The following PARD3B variants were observed in gnomAD, a reference collection of about 807,000 sequenced individuals.
PARD3B encodes the protein partitioning defective 3 homolog B.
PARD3B carries 103 observed loss-of-function variants against 130.2 expected under a neutral mutation model. The ratio of observed to expected loss-of-function variants is 0.79; its 90% CI spans 0.67 to 0.93. The LOEUF (loss-of-function observed/expected upper bound fraction) is 0.93. Among genes scored for constraint, PARD3B ranks in the 40% least tolerant of loss-of-function variants. PARD3B has a pLI of 0.00. For missense variants in PARD3B, 1,609 were observed against 1,499.2 expected, an observed-to-expected ratio of 1.07 and a Z score of -1.21; for synonymous variants, 583 against 553.2, an observed-to-expected ratio of 1.05 and a Z score of -0.76.
At chr2:204,590,184 ATC>A (rs2125092721) in intron 1 of PARD3B, among the ~76,000 whole-genome samples, 1 of 152,294 alleles carries the variant, frequency 6.6e-6, no homozygotes, top group African/African-American at 2.4e-5. Flanking sequence ...GATAGCCATC[ATC>A]TCTCTGTCCT....
chr2:205,217,927 G>A (rs566726227), intron 15 of PARD3B, among the ~76,000 whole-genome samples: 42 of 111,856 alleles, frequency 3.8e-4, no homozygotes, highest in Middle Eastern at 8.8e-3. Flanking sequence ...ATGGTCTCTC[G>A]CTCTGTCACC....
chr2:204,937,315 C>G (rs1862995), intron 2 of PARD3B, among the ~76,000 whole-genome samples: 4,692 of 152,294 alleles, frequency 0.031, 97 homozygotes, highest in African/African-American at 0.053. Flanking sequence ...ACTGTTGCCC[C>G]TCTGACACCC....
chr2:204,649,618 A>C (rs1366113661), intron 1 of PARD3B, among the ~76,000 whole-genome samples: 2 of 152,152 alleles, frequency 1.3e-5, no homozygotes, highest in East Asian at 3.8e-4. Flanking sequence ...CTGCACACCT[A>C]CAATTATGTG....
intron 21 of PARD3B, among the ~76,000 whole-genome samples, chr2:205,527,080 G>T (rs2051371036): frequency 6.6e-6 from 1 of 152,196 alleles, no homozygotes; most frequent in African/African-American, 2.4e-5. Context: ...ATCAGACACA[G>T]CAAGTGTAAC....
In PARD3B at chr2:205,474,305, T is replaced by C. The variant is rs1416864484; in HGVS notation, c.3045-25591T>C. ...CGATTTAATTGGCTATTATTAACTT[T>C]TTAGAGTATTTTCATCCAGTGTTTC... On this transcript the variant is annotated intron_variant, in intron 20 of 22. Transcript: ENST00000406610. Among the ~76,000 whole-genome samples the C allele has an allele frequency of 2.0e-5, 3 of 152,152 alleles. No homozygotes were observed. In the South Asian group the frequency reaches 6.2e-4, roughly 31 times the overall value.
intron 2 of PARD3B, among the ~76,000 whole-genome samples, chr2:204,725,291 GAT>G (rs2039173772): frequency 6.6e-6 from 1 of 152,178 alleles, no homozygotes; most frequent in Non-Finnish European, 1.5e-5. Flanking sequence ...CATGGAAAGA[GAT>G]GTGATCTTTT....
intron 2 of PARD3B, among the ~76,000 whole-genome samples, chr2:204,718,732 G>C (rs1426861983): frequency 6.6e-6 from 1 of 152,206 alleles, no homozygotes; most frequent in Non-Finnish European, 1.5e-5. Flanking sequence ...CAGGGAGCAA[G>C]AGTACCAGCT....
intron 22 of PARD3B, among the ~76,000 whole-genome samples, chr2:205,595,067 A>T (rs778581612): frequency 6.6e-6 from 1 of 152,206 alleles, no homozygotes; most frequent in Admixed American, 6.5e-5. Flanking sequence ...AGGGGAGGAA[A>T]GGCAGTCCCA....
chr2:205,354,585 TG>T (rs1204253550), intron 18 of PARD3B, among the ~76,000 whole-genome samples: 2 of 152,152 alleles, frequency 1.3e-5, no homozygotes, highest in Non-Finnish European at 2.9e-5. Context: ...CCCAAAATGT[TG>T]GGATTATAAA....
chr2:204,886,724 G>C (rs565202034), intron 2 of PARD3B, among the ~76,000 whole-genome samples: 1 of 152,284 alleles, frequency 6.6e-6, no homozygotes, highest in Admixed American at 6.5e-5. Context: ...AGTTCTAACA[G>C]AGCCCCATAA....
chr2:205,148,565 CT>C (rs2033529477), intron 10 of PARD3B, among the ~76,000 whole-genome samples: 1 of 152,062 alleles, frequency 6.6e-6, no homozygotes, highest in African/African-American at 2.4e-5. Context: ...GTGTCTTATC[CT>C]TTCATTGTTG....
chr2:204,733,479 C>CTTTTTTTTTTTTTTTTTTT, intron 2 of PARD3B, among the ~76,000 whole-genome samples: 1 of 127,252 alleles, frequency 7.9e-6, no homozygotes, highest in Non-Finnish European at 1.7e-5. Flanking sequence ...CCTTGACAGG[C>CTTTTTTTTTTTTTTTTTTT]TTTTTTTTTT....
At chr2:204,619,078 C>G (rs750254199) in intron 1 of PARD3B, among the ~76,000 whole-genome samples, 2 of 152,128 alleles carry the variant, frequency 1.3e-5, no homozygotes, top group African/African-American at 2.4e-5. Flanking sequence ...TGACTGTGCT[C>G]TTTTTGCTTT....
chr2:205,183,505 A>G lies in PARD3B; in HGVS notation c.1925-2259A>G, dbSNP rs561963820. Among the ~76,000 whole-genome samples the G allele has an allele frequency of 4.6e-5, 7 of 152,098 alleles. No homozygotes were observed. The East Asian group carries it at 5.8e-4, about 13-fold the overall frequency. ...GACTGCTGCCACCACTAACAAATCA[A>G]TGGGCCCCTAGGGTTGGAGGTGGTG... On this transcript the variant is annotated intron_variant, in intron 13 of 22. Coordinates refer to ENST00000406610, the MANE Select transcript of PARD3B (RefSeq NM_001302769.2). The surrounding 1 kb of genome is among the most constrained non-coding windows in gnomAD (Gnocchi z 5.2).
rs1233462533 is a variant in PARD3B at position 205,269,173 on chromosome 2, A to G, written c.2185+23351A>G. Among the ~76,000 whole-genome samples, 1 of 152,176 alleles carries G rather than the reference A, an allele frequency of 6.6e-6. No individual in the cohort carries two copies. Among genetic ancestry groups the G allele is most frequent in the East Asian group, 1.9e-4 (1 of 5,188 alleles). ...TTTGCATTTGACTTCAGATAAACAGACTGGATAAATTCCTACCTAAACAGA... is the reference window on the plus strand; with the variant it reads ...TTTGCATTTGACTTCAGATAAACAGGCTGGATAAATTCCTACCTAAACAGA... On this transcript the variant is annotated intron_variant, in intron 16 of 22. Transcript: ENST00000406610. The surrounding 1 kb of genome is among the most constrained non-coding windows in gnomAD (Gnocchi z 4.7).
At chr2:205,483,824 A>AG (rs1332420593) in intron 20 of PARD3B, among the ~76,000 whole-genome samples, 5 of 152,148 alleles carry the variant, frequency 3.3e-5, no homozygotes, top group African/African-American at 7.2e-5. Context: ...TAGAATTGGA[A>AG]GGGGGGAAGC....
chr2:205,381,625 C>T (rs1372133087), intron 18 of PARD3B, among the ~76,000 whole-genome samples: 2 of 152,018 alleles, frequency 1.3e-5, no homozygotes, highest in African/African-American at 4.8e-5. Flanking sequence ...TTCCCATCTC[C>T]ATTGCTTATG....
intron 3 of PARD3B, among the ~76,000 whole-genome samples, chr2:205,024,162 C>CTTTTTTTTTTTTTTTTTT (rs1172893472): frequency 1.0e-5 from 1 of 98,744 alleles, no homozygotes; most frequent in Non-Finnish European, 2.0e-5. Flanking sequence ...TTCTTTCTTT[C>CTTTTTTTTTTTTTTTTTT]TTTTTTTTTT....
At chr2:204,770,685 CCCT>C (rs747224765) in intron 2 of PARD3B, among the ~76,000 whole-genome samples, 35 of 152,100 alleles carry the variant, frequency 2.3e-4, no homozygotes, top group Non-Finnish European at 4.0e-4. Flanking sequence ...ATTTTTATTT[CCCT>C]CCTCCTTTGT....
Sources: allele counts gnomAD v4.1 joint callset (sites outside exome capture counted in the v4.1 genomes callset), GRCh38; gene constraint gnomAD v4.1.1; non-coding constraint Gnocchi (gnomAD v3.1); transcripts MANE v1.5; gene names NCBI Gene and HGNC (gene_info 2026-07-23, HGNC 2026-07-21).